Variants in ACTR3C observed in about 807,000 individuals in gnomAD.
ACTR3C encodes actin related protein 3C, also known as actin-related protein 3C.
A neutral mutation model predicts 26.3 loss-of-function variants in ACTR3C; 18 were observed. The ratio of observed to expected loss-of-function variants is 0.68; its 90% CI spans 0.47 to 1.01. The LOEUF (loss-of-function observed/expected upper bound fraction) is 1.01. ACTR3C is among the 50% of genes least tolerant of loss of function. The pLI is 0.00. For synonymous variants in ACTR3C, 55 were observed against 94.5 expected (o/e 0.58, Z 2.42); for missense variants, 184 against 250.7 (o/e 0.73, Z 1.80).
At chr7:149,975,912 A>G in the ACTR3C span, among the ~76,000 whole-genome samples, 5 of 152,202 alleles carry the variant, frequency 3.3e-5, no homozygotes, top group African/African-American at 1.2e-4. Flanking sequence ...GATTATTACA[A>G]TTCAAAGTGA....
At chr7:150,006,100 C>G in the ACTR3C span, among the ~76,000 whole-genome samples, 3 of 152,104 alleles carry the variant, frequency 2.0e-5, no homozygotes, top group Middle Eastern at 3.2e-3. Flanking sequence ...ATCACAGGCT[C>G]TGTTTCTTTC....
At chr7:149,987,907 A>G in the ACTR3C span, among the ~76,000 whole-genome samples, 1 of 152,238 alleles carries the variant, frequency 6.6e-6, no homozygotes, top group Admixed American at 6.5e-5. Context: ...AACCTAAAAT[A>G]AAAGCTTTTT....
chr7:149,978,261 T>A, the ACTR3C span, among the ~76,000 whole-genome samples: 15 of 152,162 alleles, frequency 9.9e-5, no homozygotes, highest in African/African-American at 3.4e-4. Flanking sequence ...ACATAAGTAT[T>A]TCCCTTTCAT....
At chr7:149,918,137 TC>T in the ACTR3C span, among the ~76,000 whole-genome samples, 2 of 152,006 alleles carry the variant, frequency 1.3e-5, no homozygotes, top group Admixed American at 6.6e-5. Context: ...TCTTTGCCCG[TC>T]CTTAAATTTT....
the ACTR3C span, among the ~76,000 whole-genome samples, chr7:150,184,808 G>A: frequency 6.8e-6 from 1 of 147,112 alleles, no homozygotes; most frequent in Non-Finnish European, 1.5e-5. Context: ...ATTCCTTCAT[G>A]TTTTGTTCAA....
the ACTR3C span, among the ~76,000 whole-genome samples, chr7:150,143,084 G>C: frequency 8.1e-4 from 123 of 152,216 alleles, 1 homozygote; most frequent in Middle Eastern, 6.8e-3. Context: ...CACCCGCCTA[G>C]GCCTCCCAAA....
the ACTR3C span, among the ~76,000 whole-genome samples, chr7:150,175,270 A>G: frequency 1.3e-5 from 2 of 148,484 alleles, no homozygotes; most frequent in South Asian, 4.2e-4. Flanking sequence ...CTCTTTGTGG[A>G]GAGCACGTGG....
the ACTR3C span, among the ~76,000 whole-genome samples, chr7:150,039,210 C>G: frequency 1.4e-4 from 21 of 147,264 alleles, no homozygotes; most frequent in African/African-American, 4.8e-4. Context: ...CCCACCTCTG[C>G]GATGGGGGTC....
chr7:150,161,535 G>T, the ACTR3C span, among the ~76,000 whole-genome samples: 2 of 151,966 alleles, frequency 1.3e-5, no homozygotes, highest in African/African-American at 2.4e-5. Context: ...CCCTACAAAG[G>T]ACATGAACTC....
intron 4 of ACTR3C, among the ~76,000 whole-genome samples, chr7:150,286,927 C>T (rs1002514763): frequency 2.6e-5 from 4 of 152,084 alleles, no homozygotes; most frequent in Admixed American, 2.0e-4. Flanking sequence ...CCAGTGGACC[C>T]GTGCTGCGAG....
intron 1 of ACTR3C, among the ~76,000 whole-genome samples, chr7:150,316,070 G>A (rs746618102): frequency 6.6e-6 from 1 of 152,196 alleles, no homozygotes; most frequent in South Asian, 2.1e-4. Flanking sequence ...CGTGGCACAT[G>A]CCTGTAATCC....
the ACTR3C span, among the ~76,000 whole-genome samples, chr7:150,013,567 C>A: frequency 2.0e-5 from 3 of 152,212 alleles, no homozygotes; most frequent in Admixed American, 2.0e-4. Context: ...CTGCATGGAA[C>A]CTGGGATTGG....
chr7:149,949,959 C>T, the ACTR3C span, among the ~76,000 whole-genome samples: 3 of 144,114 alleles, frequency 2.1e-5, no homozygotes, highest in African/African-American at 5.5e-5. Flanking sequence ...GACCCAGTCG[C>T]ACTGGGCAAT....
chr7:150,307,573 T>C (rs1795894590), intron 1 of ACTR3C, among the ~76,000 whole-genome samples: 1 of 152,170 alleles, frequency 6.6e-6, no homozygotes. Flanking sequence ...CCAACTCCTA[T>C]AAAGCAACCC....
chr7:149,908,371 T>C, the ACTR3C span, among the ~76,000 whole-genome samples: 2 of 152,146 alleles, frequency 1.3e-5, no homozygotes, highest in Admixed American at 1.3e-4. Flanking sequence ...GGATAACCCA[T>C]TCATGGCAGC....
At chr7:150,192,327 C>G in the ACTR3C span, among the ~76,000 whole-genome samples, 1 of 152,002 alleles carries the variant, frequency 6.6e-6, no homozygotes, top group South Asian at 2.1e-4. Flanking sequence ...GGGTCTTGCT[C>G]TGTTACCCAG....
chr7:150,209,918 CA>C, the ACTR3C span, among the ~76,000 whole-genome samples: 1,903 of 63,096 alleles, frequency 0.03, 34 homozygotes, highest in South Asian at 0.13. Context: ...GACTGGGTCT[CA>C]AAAAAAAAAA....
chr7:150,255,274 G>A (rs1403473675), intron 6 of ACTR3C, among the ~76,000 whole-genome samples: 4 of 100,742 alleles, frequency 4.0e-5, no homozygotes, highest in African/African-American at 1.2e-4. Flanking sequence ...TTTTGCTTTC[G>A]AGTTTTTCTC....
chr7:150,228,502 A>G, the ACTR3C span, among the ~76,000 whole-genome samples: 1 of 152,218 alleles, frequency 6.6e-6, no homozygotes, highest in Non-Finnish European at 1.5e-5. Flanking sequence ...GGTGTACCCA[A>G]TGTAATTACA....
Sources: allele counts gnomAD v4.1 joint callset (sites outside exome capture counted in the v4.1 genomes callset), GRCh38; gene constraint gnomAD v4.1.1; transcripts MANE v1.5; gene names NCBI Gene and HGNC (gene_info 2026-07-23, HGNC 2026-07-21).